PLCH1: variants seen among roughly 807,000 people sequenced by gnomAD.
PLCH1 encodes 1-phosphatidylinositol 4,5-bisphosphate phosphodiesterase eta-1.
PLCH1 carries 60 observed loss-of-function variants against 126.7 expected under a neutral mutation model. The observed-to-expected ratio is 0.47, with a 90% CI of 0.38 to 0.59. PLCH1 has a LOEUF of 0.59. Ranked by LOEUF, PLCH1 falls within the 20% of genes least tolerant of loss-of-function variation. The probability of loss-of-function intolerance (pLI) is 0.00; values close to 1 mark genes in which losing one functional copy is unlikely to be tolerated. For synonymous variants in PLCH1, 719 were observed against 734.9 expected, an observed-to-expected ratio of 0.98 and a Z score of 0.35; for missense variants, 1,723 against 2,040.0, an observed-to-expected ratio of 0.84 and a Z score of 2.99.
chr3:155,603,517 A>G (rs1345982822), intron 2 of PLCH1, among the ~76,000 whole-genome samples: 1 of 152,168 alleles, frequency 6.6e-6, no homozygotes, highest in Non-Finnish European at 1.5e-5. Context: ...TTGTGGGCAC[A>G]AAGAAGGGAG....
In PLCH1 at chr3:155,568,027, T is replaced by C. The variant is rs545515442; in HGVS notation, c.865+204A>G. On this transcript the variant is annotated intron_variant, in intron 7 of 22. Transcript: ENST00000460012. ...ACTTGCTTGAAGTGGAAAATGCTTA[T>C]GGGCATTGCAAAAGTAAGACAAATA... Among the ~76,000 whole-genome samples, 4 of 152,342 alleles carry C rather than the reference T, an allele frequency of 2.6e-5. No homozygotes were observed. The East Asian group carries it at 7.7e-4, about 29-fold the overall frequency.
At chr3:155,730,431 G>A (rs1577379617) in intron 1 of PLCH1, among the ~76,000 whole-genome samples, 2 of 152,026 alleles carry the variant, frequency 1.3e-5, no homozygotes, top group African/African-American at 2.4e-5. Context: ...ACAGGCGCCC[G>A]CACCACGCCC....
chr3:155,469,245 G>A (rs552343524), intron 21 of PLCH1, among the ~76,000 whole-genome samples: 12 of 152,196 alleles, frequency 7.9e-5, no homozygotes, highest in South Asian at 4.1e-4. Context: ...GAAGCAGGGC[G>A]AGGCATTGCC....
Position 155,556,168 on chromosome 3 carries a change from C to T in PLCH1, c.1070-1972G>A, listed in dbSNP as rs543575955. Among the ~76,000 whole-genome samples the T allele has an allele frequency of 3.0e-4, 46 of 152,296 alleles. 1 individual carries two copies. The South Asian group carries it at 5.4e-3, about 18-fold the overall frequency. On this transcript the variant is annotated intron_variant, in intron 8 of 22. Transcript: ENST00000460012. ...TAGAGTTCGAGACCGGCCTGGCCAA[C>T]ATGGTGAAACCCCTTCTCCGCTAAA...
chr3:155,653,172 TATAG>T (rs1395760835), intron 2 of PLCH1, among the ~76,000 whole-genome samples: 6 of 114,466 alleles, frequency 5.2e-5, no homozygotes, highest in African/African-American at 6.5e-5. Context: ...TAGATATAGA[TATAG>T]ATATAGATAT....
rs545881283 is a variant in PLCH1 at position 155,585,071 on chromosome 3, C to G, written c.600+994G>C. 4.6e-5 allele frequency among the ~76,000 whole-genome samples: 7 copies of G among 152,284 alleles called. No individual in the cohort carries two copies. The South Asian group carries it at 1.5e-3, about 32-fold the overall frequency. ...CTCTCAGGTTCCCTATACAGCAAAT[C>G]TCATTCCTTCCTCCTCTTCCCATTC... On this transcript the variant is annotated intron_variant, in intron 5 of 22. Coordinates refer to ENST00000460012, the MANE Select transcript of PLCH1 (RefSeq NM_014996.4).
intron 10 of PLCH1, among the ~76,000 whole-genome samples, chr3:155,548,711 C>CA (rs1375837790): frequency 6.6e-6 from 1 of 152,192 alleles, no homozygotes; most frequent in Non-Finnish European, 1.5e-5. Flanking sequence ...AAGACTTGGG[C>CA]AAATTGGCCT....
chr3:155,632,047 T>C (rs1738102491), intron 2 of PLCH1, among the ~76,000 whole-genome samples: 1 of 152,196 alleles, frequency 6.6e-6, no homozygotes, highest in African/African-American at 2.4e-5. Flanking sequence ...GTTTTAAACC[T>C]AAGCCAGTCT....
At chr3:155,514,669 A>G in intron 12 of PLCH1, 54 bp downstream of exon 12, 1 of 1,159,764 alleles carries the variant, frequency 8.6e-7, no homozygotes, top group Non-Finnish European at 1.2e-6. Flanking sequence ...GAAACAAAGT[A>G]TGAGATGCTT....
chr3:155,673,612 T>C (rs969148590), intron 2 of PLCH1, among the ~76,000 whole-genome samples: 15 of 152,212 alleles, frequency 9.9e-5, no homozygotes, highest in African/African-American at 3.6e-4. Flanking sequence ...ATCTGGGAAT[T>C]GGATGGCTCA....
intron 9 of PLCH1, among the ~76,000 whole-genome samples, chr3:155,550,275 TGAG>T (rs972347062): frequency 6.6e-6 from 1 of 152,176 alleles, no homozygotes; most frequent in Admixed American, 6.5e-5. Flanking sequence ...TTAAAAGAGA[TGAG>T]AAGTCTAAAG....
At position 155,594,004 on chromosome 3, in the gene PLCH1, T is replaced by G. The variant is rs747735009; in HGVS notation, c.407A>C (p.Lys136Thr). The part of the protein sequence containing the change: ...EEARTWITGL[K>T]YLMAGISDED... ...ATCACTGATGCCAGCCATCAGGTACTTGAGGCCTGTGATCCAGGTGCGGGC... is the reference window on the plus strand; with the variant it reads ...ATCACTGATGCCAGCCATCAGGTACGTGAGGCCTGTGATCCAGGTGCGGGC... The change falls in exon 4 of 23, where the codon AAG becomes ACG. Residue 136 changes from lysine to threonine, a missense_variant. By Grantham distance (78) the Lys-to-Thr change is moderately conservative (BLOSUM62 -1). Around this residue, in one of 2 missense-constraint regions of PLCH1, gnomAD observed 776 missense variants for 1,062.9 expected, o/e 0.73. Coordinates refer to ENST00000460012, the MANE Select transcript of PLCH1 (RefSeq NM_014996.4). 1.9e-6 allele frequency: 3 copies of G among 1,614,064 alleles called. No homozygotes were observed. In the South Asian group the frequency reaches 3.3e-5, roughly 18 times the overall value.
intron 6 of PLCH1, among the ~76,000 whole-genome samples, chr3:155,579,438 A>G (rs1164881137): frequency 6.6e-6 from 1 of 152,248 alleles, no homozygotes; most frequent in East Asian, 1.9e-4. Context: ...AAACCATTTT[A>G]TAAGTCACAA....
intron 8 of PLCH1, among the ~76,000 whole-genome samples, chr3:155,561,341 C>T (rs1267922833): frequency 8.3e-5 from 12 of 143,840 alleles, no homozygotes; most frequent in Non-Finnish European, 1.2e-4. Flanking sequence ...TGTCCATGTG[C>T]TCTCATTGTT....
rs1375726470 is a variant in PLCH1 at position 155,549,863 on chromosome 3, T to C, written c.1286A>G (p.Asp429Gly). 6.2e-7 allele frequency: 1 copy of C among 1,613,822 alleles called. No individual in the cohort carries two copies. The highest frequency in any genetic ancestry group is 1.7e-5 in the Admixed American group (1 of 59,998). The change falls in exon 10 of 23, where the codon GAC becomes GGC. Residue 429 changes from aspartate to glycine, a missense_variant. Around this residue, in one of 2 missense-constraint regions of PLCH1, gnomAD observed 776 missense variants for 1,062.9 expected, o/e 0.73. Transcript: ENST00000460012. Reference protein sequence around the residue: ...YLKGIFGDKLDLSSVDTGECK... With the variant: ...YLKGIFGDKLGLSSVDTGECK... ...CTCCCCTGTATCAACAGATGACAGG[T>C]CCAGTTTGTCTCCGAATATTCCTTT...
chr3:155,590,797 T>C (rs1417356341), intron 4 of PLCH1, among the ~76,000 whole-genome samples: 1 of 152,180 alleles, frequency 6.6e-6, no homozygotes, highest in East Asian at 1.9e-4. Context: ...TATTAAATTC[T>C]GACAAATATG....
chr3:155,670,842 T>C (rs940078942), intron 2 of PLCH1, among the ~76,000 whole-genome samples: 3 of 152,172 alleles, frequency 2.0e-5, no homozygotes, highest in Non-Finnish European at 4.4e-5. Flanking sequence ...CCCCACTGCT[T>C]CCCTGTGCCA....
intron 2 of PLCH1, among the ~76,000 whole-genome samples, chr3:155,668,808 C>T (rs1373586834): frequency 3.3e-5 from 5 of 152,136 alleles, no homozygotes; most frequent in African/African-American, 1.2e-4. Flanking sequence ...AGGAGAATTG[C>T]CTGAGCCCAG....
At chr3:155,674,858 T>C (rs1216248342) in intron 2 of PLCH1, among the ~76,000 whole-genome samples, 2 of 152,224 alleles carry the variant, frequency 1.3e-5, no homozygotes, top group Non-Finnish European at 2.9e-5. Flanking sequence ...ACTTTCATCA[T>C]TACTTCCATA....
Sources: gnomAD v4.1 joint callset for allele counts (sites outside exome capture counted in the v4.1 genomes callset) on GRCh38, gnomAD v4.1.1 for gene constraint, gnomAD v4.1.1 regional missense constraint, MANE v1.5 for transcripts, NCBI Gene and HGNC (gene_info 2026-07-23, HGNC 2026-07-21) for gene names.